ZNF438: variants seen among roughly 807,000 people sequenced by gnomAD.
ZNF438 encodes zinc finger protein 438.
Under a neutral mutation model 38.0 loss-of-function variants are expected in ZNF438, and 25 were observed. The ratio of observed to expected loss-of-function variants is 0.66; its 90% confidence interval spans 0.48 to 0.92. ZNF438 has a LOEUF of 0.92. Among genes scored for constraint, ZNF438 ranks in the 40% least tolerant of loss-of-function variants. ZNF438 has a pLI of 0.00. For synonymous variants in ZNF438, 372 were observed against 364.1 expected (o/e 1.02, Z -0.25); for missense variants, 1,007 against 999.6 (o/e 1.01, Z -0.10).
intron 5 of ZNF438, among the ~76,000 whole-genome samples, chr10:30,846,287 T>G (rs2032056832): frequency 6.6e-6 from 1 of 152,352 alleles, no homozygotes; most frequent in Admixed American, 6.5e-5. Flanking sequence ...CAGCTGAAGG[T>G]GCAGCCGGGA....
rs184643359 is a variant in ZNF438, at chr10:30,975,705, T to A, written c.-191-34054A>T. 2.6e-5 allele frequency among the ~76,000 whole-genome samples: 4 copies of A among 152,294 alleles called. No individual in the cohort carries two copies. In the East Asian group the frequency reaches 7.7e-4, roughly 29 times the overall value. On this transcript the variant is annotated intron_variant, in intron 1 of 5. Coordinates refer to ENST00000413025, the Ensembl canonical transcript of ZNF438. ...TGGGCAACAGAAAAAATGAAAACAG[T>A]ATTTTTTAAAGATATAATATGAAAA...
chr10:30,994,094 G>T (rs934507493), intron 1 of ZNF438, among the ~76,000 whole-genome samples: 1 of 152,242 alleles, frequency 6.6e-6, no homozygotes, highest in Non-Finnish European at 1.5e-5. Context: ...CAGCTGAAAA[G>T]AATCTGCCTG....
At chr10:30,979,681 C>T (rs541870415) in intron 1 of ZNF438, among the ~76,000 whole-genome samples, 1 of 152,138 alleles carries the variant, frequency 6.6e-6, no homozygotes, top group South Asian at 2.1e-4. Context: ...TCCTGGATAT[C>T]CTTGTTAATT....
chr10:30,951,196 C>T (rs1252849066), intron 1 of ZNF438, among the ~76,000 whole-genome samples: 2 of 151,632 alleles, frequency 1.3e-5, no homozygotes, highest in Non-Finnish European at 2.9e-5. Flanking sequence ...CAAAATTCAA[C>T]AAACTTTCAT....
At chr10:31,013,928 C>T (rs772158200) in intron 1 of ZNF438, among the ~76,000 whole-genome samples, 1 of 152,142 alleles carries the variant, frequency 6.6e-6, no homozygotes, top group African/African-American at 2.4e-5. Flanking sequence ...GTCTCCCCTA[C>T]CCCACATCAT....
chr10:31,003,531 TC>T (rs1414987589), intron 1 of ZNF438, among the ~76,000 whole-genome samples: 3 of 152,148 alleles, frequency 2.0e-5, no homozygotes, highest in Admixed American at 1.3e-4. Context: ...CCCTGCAAGT[TC>T]TTAGAAAACA....
chr10:31,012,282 C>A (rs1589718005), intron 1 of ZNF438, among the ~76,000 whole-genome samples: 1 of 152,088 alleles, frequency 6.6e-6, no homozygotes, highest in Middle Eastern at 3.4e-3. Flanking sequence ...CGCCACCACG[C>A]CCGGCTAATT....
intron 1 of ZNF438, among the ~76,000 whole-genome samples, chr10:30,985,441 T>C (rs969982901): frequency 1.2e-4 from 19 of 152,220 alleles, no homozygotes; most frequent in Non-Finnish European, 2.6e-4. Flanking sequence ...AAGTGAAAAC[T>C]GGTTGGCTCC....
At chr10:30,861,926 C>T (rs1176218546) in intron 4 of ZNF438, among the ~76,000 whole-genome samples, 1 of 152,156 alleles carries the variant, frequency 6.6e-6, no homozygotes, top group Non-Finnish European at 1.5e-5. Context: ...GAGCTAATGA[C>T]CTTCCAAGGA....
chr10:30,920,536 C>G (rs969773388), intron 2 of ZNF438: 6 of 152,078 alleles, frequency 3.9e-5, no homozygotes, highest in Admixed American at 3.3e-4. Context: ...TTTTCTTCTC[C>G]TGAGAGAAGT....
exon 5 of ZNF438, chr10:30,849,645 C>T: frequency 6.2e-7 from 1 of 1,614,168 alleles, no homozygotes; most frequent in Non-Finnish European, 8.5e-7. Context: ...TCACTGGCAA[C>T]AGCAGAAGGT....
chr10:30,856,076 A>T lies in ZNF438; in HGVS notation c.38-5709T>A, dbSNP rs193096234. On this transcript the variant is annotated intron_variant, in intron 4 of 5. Transcript: ENST00000413025. Reference sequence around the variant, plus strand: ...AGTATCTTTTGGGATATTTGTGATGAGTGTGTGTCTATGCATAAATGACTG... The same window carrying T: ...AGTATCTTTTGGGATATTTGTGATGTGTGTGTGTCTATGCATAAATGACTG... Among the ~76,000 whole-genome samples the T allele has an allele frequency of 5.3e-5, 8 of 152,334 alleles. No individual in the cohort carries two copies. The East Asian group carries it at 1.5e-3, about 29-fold the overall frequency.
intron 1 of ZNF438, among the ~76,000 whole-genome samples, chr10:30,973,690 T>C (rs1418479557): frequency 1.3e-5 from 2 of 152,218 alleles, no homozygotes; most frequent in Non-Finnish European, 2.9e-5. Context: ...ATGTGATGAC[T>C]ACAGAGAAGA....
At chr10:30,947,579 T>C (rs1280745252) in intron 1 of ZNF438, among the ~76,000 whole-genome samples, 1 of 152,244 alleles carries the variant, frequency 6.6e-6, no homozygotes, top group African/African-American at 2.4e-5. Context: ...GGCTGCTTTG[T>C]TTACCTAATC....
chr10:30,875,930 T>C (rs533876451), intron 4 of ZNF438, among the ~76,000 whole-genome samples: 2 of 152,310 alleles, frequency 1.3e-5, no homozygotes, highest in Admixed American at 6.6e-5. Flanking sequence ...TTTATCATCA[T>C]ATAAGTGCCT....
At chr10:31,008,567 A>C (rs1214318570) in intron 1 of ZNF438, among the ~76,000 whole-genome samples, 1 of 152,128 alleles carries the variant, frequency 6.6e-6, no homozygotes, top group African/African-American at 2.4e-5. Context: ...CCTTTCACTT[A>C]GCATGTTTTG....
intron 1 of ZNF438, among the ~76,000 whole-genome samples, chr10:31,016,994 G>C (rs370294275): frequency 1.3e-5 from 2 of 152,256 alleles, no homozygotes; most frequent in East Asian, 3.9e-4. Context: ...ATTCACATCC[G>C]TGTAGCTCCT....
At chr10:30,874,093 G>T (rs981604873) in intron 4 of ZNF438, among the ~76,000 whole-genome samples, 196 of 44,032 alleles carry the variant, frequency 4.5e-3, no homozygotes, top group African/African-American at 0.025. Flanking sequence ...ATTACGTGTG[G>T]GTGTGTGGGG....
chr10:30,930,182 C>T (rs1427046318), intron 2 of ZNF438, among the ~76,000 whole-genome samples: 1 of 151,816 alleles, frequency 6.6e-6, no homozygotes, highest in African/African-American at 2.4e-5. Context: ...GAGTGCGGGG[C>T]TCAGGCATGG....
Sources: allele counts gnomAD v4.1 joint callset (sites outside exome capture counted in the v4.1 genomes callset), GRCh38; gene constraint gnomAD v4.1.1; transcripts MANE v1.5; gene names NCBI Gene and HGNC (gene_info 2026-07-23, HGNC 2026-07-21).